TPO: variants seen among roughly 807,000 people sequenced by gnomAD.
TPO encodes the protein thyroid peroxidase.
In TPO, 78 loss-of-function variants were observed where a neutral mutation model predicts 96.9. The ratio of observed to expected loss-of-function variants is 0.81; its 90% CI spans 0.67 to 0.97. TPO has a LOEUF of 0.97. Among genes scored for constraint, TPO ranks in the 50% least tolerant of loss-of-function variants. The pLI is 0.00. For missense variants in TPO, 1,252 were observed against 1,274.8 expected (o/e 0.98, Z 0.27); for synonymous variants, 547 against 538.0 (o/e 1.02, Z -0.23).
chr2:1,485,871 T>G (rs955081421), intron 9 of TPO, among the ~76,000 whole-genome samples: 3 of 152,240 alleles, frequency 2.0e-5, no homozygotes, highest in Non-Finnish European at 2.9e-5. Context: ...TTCACTCTGA[T>G]AGTGGTTTCT....
At chr2:1,396,796 G>T (rs1662088480) in intron 1 of TPO, among the ~76,000 whole-genome samples, 1 of 152,164 alleles carries the variant, frequency 6.6e-6, no homozygotes, top group Non-Finnish European at 1.5e-5. Flanking sequence ...TGCAAGCTAT[G>T]TGTGGGCAAA....
chr2:1,518,408 A>C (rs4278970), intron 15 of TPO, among the ~76,000 whole-genome samples: 98,293 of 152,022 alleles, frequency 0.65, 32,573 homozygotes, highest in African/African-American at 0.81. Flanking sequence ...CAGTTAATGG[A>C]CTCTTTTCTG....
At chr2:1,539,069 T>A (rs1010891087) in intron 15 of TPO, among the ~76,000 whole-genome samples, 1 of 152,106 alleles carries the variant, frequency 6.6e-6, no homozygotes, top group Non-Finnish European at 1.5e-5. Flanking sequence ...TCACCCTAAC[T>A]AATTACATCT....
chr2:1,392,680 T>C (rs1010007062), intron 1 of TPO, among the ~76,000 whole-genome samples: 3 of 152,202 alleles, frequency 2.0e-5, no homozygotes, highest in African/African-American at 7.2e-5. Flanking sequence ...GAGCCTGTTA[T>C]TGGTCTGTTC....
intron 14 of TPO, among the ~76,000 whole-genome samples, chr2:1,504,677 T>G (rs781336964): frequency 7.9e-5 from 12 of 152,156 alleles, no homozygotes; most frequent in Non-Finnish European, 1.6e-4. Context: ...ACGAATTTAC[T>G]CCCCTGAAAA....
chr2:1,433,337 A>C, intron 3 of TPO, 101 bp from the exon 4 acceptor site: 1 of 1,453,144 alleles, frequency 6.9e-7, no homozygotes, highest in Non-Finnish European at 9.5e-7. Context: ...TGTCTGGGAC[A>C]CAGTAGTTAC....
chr2:1,541,312 C>T lies in TPO; in HGVS notation c.2748+589C>T, dbSNP rs74335339. 1.3e-3 allele frequency: 593 copies of T among 454,512 alleles called. 4 individuals carry two copies. The highest frequency in any genetic ancestry group is 0.011 in the African/African-American group (539 of 47,288). 28.2% of individuals were successfully genotyped at this position (454,512 alleles called of 1,614,324 possible). Reference sequence around the variant, plus strand: ...CTCAGGTCTGCTGCACGGCATGGGGCGCACGCTTCCTCATAATGATCGCAT... The same window carrying T: ...CTCAGGTCTGCTGCACGGCATGGGGTGCACGCTTCCTCATAATGATCGCAT... On this transcript the variant is annotated intron_variant, in intron 16 of 16. Transcript: ENST00000329066.
rs1248924460 is a variant in TPO, at chr2:1,537,034, C to CCCCACTGTGTGCAACCTTCCCAAAT, written c.2619-3543_2619-3542insTCCCAAATCCCACTGTGTGCAACCT. 2.9e-4 allele frequency among the ~76,000 whole-genome samples: 15 copies of CCCCACTGTGTGCAACCTTCCCAAAT among 52,206 alleles called. 1 individual carries two copies. Among genetic ancestry groups the CCCCACTGTGTGCAACCTTCCCAAAT allele is most frequent in the African/African-American group, 1.2e-3 (14 of 11,404 alleles). 34.2% of individuals were successfully genotyped at this position (52,206 alleles called of 152,430 possible). On this transcript the variant is annotated intron_variant, in intron 15 of 16. Coordinates refer to ENST00000329066, the MANE Select transcript of TPO (RefSeq NM_001206744.2). The stretch of plus-strand genomic sequence containing the variant: ...CACTGTGTGCAACGTCCTCAAATAC[C>CCCCACTGTGTGCAACCTTCCCAAAT]CCCACTGTGTGCAACCTCCCCAAAT...
At chr2:1,385,003 C>A (rs2148348990) in intron 1 of TPO, among the ~76,000 whole-genome samples, 1 of 152,230 alleles carries the variant, frequency 6.6e-6, no homozygotes, top group East Asian at 1.9e-4. Context: ...TGTTTATATG[C>A]TGGATTACGT....
chr2:1,467,285 A>T (rs1668991669), intron 7 of TPO, among the ~76,000 whole-genome samples: 1 of 151,890 alleles, frequency 6.6e-6, no homozygotes, highest in South Asian at 2.1e-4. Flanking sequence ...TTGTATTTTT[A>T]GTAGAGATTG....
Position 1,496,001 on chromosome 2 carries a change from G to A in TPO, c.2019G>A (p.Glu673=). The A allele has an allele frequency of 6.2e-7, 1 of 1,612,642 alleles. No individual in the cohort carries two copies. The highest frequency in any genetic ancestry group is 1.1e-5 in the South Asian group (1 of 90,928). Residue 673 remains glutamate, a synonymous_variant, in exon 12 of 17, where the codon GAG becomes GAA. Coordinates refer to ENST00000329066, the MANE Select transcript of TPO (RefSeq NM_001206744.2). Reference sequence around the variant, plus strand: ...TCCTTCTCTGGAGGTTTTGGTGGGAGAACAGCCACGTCTTCACGGATGCAC... The same window carrying A: ...TCCTTCTCTGGAGGTTTTGGTGGGAAAACAGCCACGTCTTCACGGATGCAC... ...ALRDGDWFWW[E]NSHVFTDAQR...
intron 15 of TPO, 143 bp from the exon 16 acceptor site, chr2:1,540,451 C>CTGAAGTGTGAAATGAAAGTGGGTTG: frequency 6.4e-7 from 1 of 1,573,672 alleles, no homozygotes; most frequent in Non-Finnish European, 8.6e-7. Context: ...ATCGACTTGA[C>CTGAAGTGTGAAATGAAAGTGGGTTG]TGAAGTGTGA....
intron 1 of TPO, among the ~76,000 whole-genome samples, chr2:1,377,216 C>A (rs1661735421): frequency 1.3e-5 from 2 of 152,310 alleles, no homozygotes; most frequent in South Asian, 4.1e-4. Flanking sequence ...CTTCCTGCTG[C>A]CTTTAGATCA....
chr2:1,415,212 G>A (rs1466918452), intron 2 of TPO, among the ~76,000 whole-genome samples: 1 of 143,452 alleles, frequency 7.0e-6, no homozygotes, highest in Admixed American at 6.9e-5. Flanking sequence ...ACACAGTCCC[G>A]GGGCCCCTGG....
chr2:1,488,275 G>A (rs1040081012), intron 10 of TPO, among the ~76,000 whole-genome samples: 10 of 152,106 alleles, frequency 6.6e-5, no homozygotes, highest in African/African-American at 1.2e-4. Context: ...GGGAGTGCGC[G>A]GGCAGACAAT....
chr2:1,422,371 C>CCTCGTGCAGGTGCCGCGCTGGACA (rs1190547540), intron 2 of TPO, among the ~76,000 whole-genome samples: 33 of 49,822 alleles, frequency 6.6e-4, no homozygotes, highest in African/African-American at 2.2e-3. Flanking sequence ...CGCGCTGGAC[C>CCTCGTGCAGGTGCCGCGCTGGACA]GACCTCGTGC....
chr2:1,520,862 G>A (rs950746790), intron 15 of TPO, among the ~76,000 whole-genome samples: 1 of 152,132 alleles, frequency 6.6e-6, no homozygotes, highest in African/African-American at 2.4e-5. Context: ...CTTCAGATCC[G>A]GCTTTCTTAG....
chr2:1,506,164 G>A (rs919859752), intron 14 of TPO, among the ~76,000 whole-genome samples: 3 of 151,874 alleles, frequency 2.0e-5, no homozygotes, highest in African/African-American at 7.3e-5. Context: ...GGGATAGTTT[G>A]CTGAGAATGA....
At chr2:1,533,807 C>A (rs1465924515) in intron 15 of TPO, among the ~76,000 whole-genome samples, 5 of 75,028 alleles carry the variant, frequency 6.7e-5, no homozygotes, top group Non-Finnish European at 1.1e-4. Flanking sequence ...TGTGCAACGT[C>A]CCCAAATCGC....
Sources: allele counts gnomAD v4.1 joint callset (sites outside exome capture counted in the v4.1 genomes callset), GRCh38; gene constraint gnomAD v4.1.1; transcripts MANE v1.5; gene names NCBI Gene and HGNC (gene_info 2026-07-23, HGNC 2026-07-21).